The following CNTN5 variants were observed in gnomAD, a reference collection of about 807,000 sequenced individuals.
CNTN5 encodes the protein contactin 5.
CNTN5 carries 77 observed loss-of-function variants against 129.1 expected under a neutral mutation model. That is an observed-to-expected ratio of 0.60 (90% CI 0.50 to 0.72). The LOEUF (loss-of-function observed/expected upper bound fraction) is 0.72. CNTN5 is among the 30% of genes least tolerant of loss of function. The pLI is 0.00. For missense variants in CNTN5, 1,478 were observed against 1,328.8 expected (o/e 1.11, Z -1.75); for synonymous variants, 509 against 465.6 (o/e 1.09, Z -1.20).
intron 15 of CNTN5, among the ~76,000 whole-genome samples, chr11:100,221,224 G>C (rs1949258453): frequency 6.6e-6 from 1 of 152,174 alleles, no homozygotes; most frequent in Non-Finnish European, 1.5e-5. Flanking sequence ...ATGCAAACAG[G>C]CTATGGGAAG....
intron 1 of CNTN5, among the ~76,000 whole-genome samples, chr11:99,323,755 G>A (rs572439314): frequency 3.3e-5 from 5 of 152,112 alleles, no homozygotes; most frequent in African/African-American, 1.2e-4. Flanking sequence ...CTATCATTCC[G>A]CCTAAGTTTG....
chr11:100,299,490 A>G, intron 20 of CNTN5, 94 bp downstream of exon 20: 2 of 716,548 alleles, frequency 2.8e-6, no homozygotes, highest in Non-Finnish European at 2.1e-6. Flanking sequence ...AAATACAAAT[A>G]AGGCAAAATA....
At chr11:100,042,053 C>T (rs537702132) in intron 9 of CNTN5, among the ~76,000 whole-genome samples, 28 of 152,304 alleles carry the variant, frequency 1.8e-4, no homozygotes, top group African/African-American at 6.7e-4. Context: ...ATGTGGTCCC[C>T]TGCCTCAAGG....
intron 3 of CNTN5, among the ~76,000 whole-genome samples, chr11:99,753,464 G>A (rs1944304322): frequency 1.3e-5 from 2 of 151,430 alleles, no homozygotes; most frequent in Non-Finnish European, 2.9e-5. Context: ...ACTGCGAAAG[G>A]AAGGGCTAAA....
chr11:100,298,685 G>T (rs570325400), intron 19 of CNTN5, among the ~76,000 whole-genome samples: 39 of 151,226 alleles, frequency 2.6e-4, no homozygotes, highest in African/African-American at 9.4e-4. Context: ...GAATACCATA[G>T]TCCAACTTTT....
chr11:99,053,264 C>T (rs1040519403), intron 1 of CNTN5, among the ~76,000 whole-genome samples: 9 of 151,868 alleles, frequency 5.9e-5, no homozygotes, highest in African/African-American at 2.2e-4. Context: ...CTAAATTCTC[C>T]AGTGAACTAA....
At chr11:99,591,401 G>A (rs1367882535) in intron 3 of CNTN5, among the ~76,000 whole-genome samples, 3 of 146,588 alleles carry the variant, frequency 2.0e-5, no homozygotes, top group Non-Finnish European at 4.5e-5. Context: ...GCAGTGGCGT[G>A]ATCTTGGCTC....
intron 1 of CNTN5, among the ~76,000 whole-genome samples, chr11:99,031,991 C>G (rs1439661726): frequency 4.1e-5 from 6 of 146,114 alleles, no homozygotes; most frequent in Non-Finnish European, 7.4e-5. Flanking sequence ...TGTTCAATTC[C>G]CACCTATGAG....
chr11:99,905,659 T>A (rs575169483), intron 6 of CNTN5, among the ~76,000 whole-genome samples: 1 of 152,314 alleles, frequency 6.6e-6, no homozygotes, highest in Admixed American at 6.5e-5. Flanking sequence ...TAAAGTAATT[T>A]TTTCTAAATG....
intron 3 of CNTN5, among the ~76,000 whole-genome samples, chr11:99,586,855 A>G (rs941359829): frequency 6.6e-6 from 1 of 152,212 alleles, no homozygotes; most frequent in Admixed American, 6.5e-5. Context: ...ATAGTCACCA[A>G]AATAAAGTAA....
At chr11:99,032,608 G>A (rs1863453891) in intron 1 of CNTN5, among the ~76,000 whole-genome samples, 1 of 152,042 alleles carries the variant, frequency 6.6e-6, no homozygotes, top group Admixed American at 6.6e-5. Flanking sequence ...ACTTTTTGAT[G>A]GGGTTGTTTG....
intron 3 of CNTN5, among the ~76,000 whole-genome samples, chr11:99,753,272 G>A (rs908846035): frequency 6.6e-6 from 1 of 151,452 alleles, no homozygotes; most frequent in East Asian, 2.0e-4. Context: ...ACAGGTGCCC[G>A]CCACCATGCC....
intron 1 of CNTN5, among the ~76,000 whole-genome samples, chr11:99,114,448 C>T (rs1234901323): frequency 6.8e-6 from 1 of 146,132 alleles, no homozygotes; most frequent in East Asian, 2.1e-4. Context: ...CCCATCCCAT[C>T]CCCCTTCTTC....
chr11:100,160,367 G>C (rs1347857495), intron 13 of CNTN5, among the ~76,000 whole-genome samples: 1 of 151,950 alleles, frequency 6.6e-6, no homozygotes, highest in African/African-American at 2.4e-5. Context: ...TGTGAATAGT[G>C]CTGCAATAAA....
At chr11:99,176,986 A>G (rs1857803996) in intron 1 of CNTN5, among the ~76,000 whole-genome samples, 2 of 152,042 alleles carry the variant, frequency 1.3e-5, no homozygotes, top group South Asian at 2.1e-4. Flanking sequence ...CTATCTAGCT[A>G]TGTTTGGTCA....
At chr11:99,709,156 T>G (rs1954869566) in intron 3 of CNTN5, among the ~76,000 whole-genome samples, 1 of 151,920 alleles carries the variant, frequency 6.6e-6, no homozygotes, top group African/African-American at 2.4e-5. Context: ...CATTCTGAGC[T>G]ACTTTATTTG....
intron 2 of CNTN5, among the ~76,000 whole-genome samples, chr11:99,402,891 A>G (rs556206136): frequency 6.6e-6 from 1 of 151,934 alleles, no homozygotes; most frequent in Admixed American, 6.6e-5. Flanking sequence ...GATCCTTTGA[A>G]TTCCTGTGGT....
chr11:99,439,720 A>AAAG (rs1943747314), intron 2 of CNTN5, among the ~76,000 whole-genome samples: 1 of 149,262 alleles, frequency 6.7e-6, no homozygotes, highest in Middle Eastern at 3.4e-3. Flanking sequence ...AAAAAAAAAA[A>AAAG]AAAAAGAAAA....
At chr11:99,870,434 A>T (rs1184350543) in intron 6 of CNTN5, among the ~76,000 whole-genome samples, 1 of 152,176 alleles carries the variant, frequency 6.6e-6, no homozygotes, top group African/African-American at 2.4e-5. Context: ...AGAGTAGGCC[A>T]TGTATGGATA....
Sources: allele counts gnomAD v4.1 joint callset (sites outside exome capture counted in the v4.1 genomes callset), GRCh38; gene constraint gnomAD v4.1.1; transcripts MANE v1.5; gene names NCBI Gene and HGNC (gene_info 2026-07-23, HGNC 2026-07-21).